SLC9A9: variants seen among roughly 807,000 people sequenced by gnomAD.
SLC9A9 encodes the protein sodium/hydrogen exchanger 9.
Under a neutral mutation model 77.8 loss-of-function variants are expected in SLC9A9, and 62 were observed. The observed-to-expected ratio is 0.80, with a 90% confidence interval of 0.65 to 0.98. SLC9A9 has a LOEUF of 0.98. Ranked by LOEUF, SLC9A9 falls within the 50% of genes least tolerant of loss-of-function variation. The pLI is 0.00. For missense variants in SLC9A9, 775 were observed against 774.9 expected (o/e 1.00, Z 0.00); for synonymous variants, 320 against 283.5 (o/e 1.13, Z -1.29).
At chr3:143,511,443 A>G (rs938276670) in intron 9 of SLC9A9, among the ~76,000 whole-genome samples, 2 of 152,166 alleles carry the variant, frequency 1.3e-5, no homozygotes, top group East Asian at 1.9e-4. Flanking sequence ...GCTATTTGCT[A>G]TCTCGTCAGC....
intron 11 of SLC9A9, among the ~76,000 whole-genome samples, chr3:143,493,104 G>GC (rs2035777148): frequency 1.3e-5 from 2 of 152,146 alleles, no homozygotes; most frequent in Admixed American, 1.3e-4. Context: ...ATCAATCAGT[G>GC]CCCAGAACTC....
At chr3:143,326,502 C>T (rs1256290443) in intron 14 of SLC9A9, among the ~76,000 whole-genome samples, 1 of 152,122 alleles carries the variant, frequency 6.6e-6, no homozygotes, top group East Asian at 1.9e-4. Flanking sequence ...TCTGTTTCTT[C>T]AATGCACTCA....
At chr3:143,844,679 G>T (rs781414653) in intron 1 of SLC9A9, among the ~76,000 whole-genome samples, 2 of 151,846 alleles carry the variant, frequency 1.3e-5, no homozygotes, top group African/African-American at 4.8e-5. Context: ...ACTTCCTTAA[G>T]AACAAGAAAT....
intron 4 of SLC9A9, among the ~76,000 whole-genome samples, chr3:143,761,269 G>A (rs992761893): frequency 6.6e-6 from 1 of 152,116 alleles, no homozygotes; most frequent in Non-Finnish European, 1.5e-5. Flanking sequence ...TACCATTCAG[G>A]ACACAGGCAG....
At chr3:143,331,044 C>A (rs1225209013) in intron 14 of SLC9A9, among the ~76,000 whole-genome samples, 6 of 152,142 alleles carry the variant, frequency 3.9e-5, no homozygotes, top group African/African-American at 1.4e-4. Context: ...CAGAATCTTA[C>A]CTTTAGTTAA....
intron 5 of SLC9A9, among the ~76,000 whole-genome samples, chr3:143,669,736 C>G (rs2039129503): frequency 6.6e-6 from 1 of 152,206 alleles, no homozygotes; most frequent in South Asian, 2.1e-4. Flanking sequence ...AGCTGTTATG[C>G]AAATGAACTT....
At position 143,265,970 on chromosome 3, in the gene SLC9A9, GGTATGGGGAGAAGAAAC is replaced by G. The variant is rs1937700017; in HGVS notation, c.*715_*731del. ...AAGGCTTGTTCTTCAGGCACAACGTGGTATGGGGAGAAGAAACCTGGTTTTCTTGGAATGGTCCTACT... is the reference window on the plus strand; with the variant it reads ...AAGGCTTGTTCTTCAGGCACAACGTGCTGGTTTTCTTGGAATGGTCCTACT... On this transcript the variant is annotated 3_prime_UTR_variant, in exon 16 of 16. Transcript: ENST00000316549. 1 of 684,290 alleles carries G rather than the reference GGTATGGGGAGAAGAAAC, an allele frequency of 1.5e-6. No homozygotes were observed. Among genetic ancestry groups the G allele is most frequent in the Non-Finnish European group, 2.7e-6 (1 of 376,254 alleles). The allele number at this position is 684,290 out of a possible 1,614,324, so 42.4% of individuals were successfully genotyped here.
intron 12 of SLC9A9, among the ~76,000 whole-genome samples, chr3:143,429,266 T>C (rs140659160): frequency 7.2e-5 from 11 of 152,340 alleles, no homozygotes; most frequent in African/African-American, 1.7e-4. Context: ...TTATTGTTAG[T>C]ATAAATGGGA....
chr3:143,317,748 GAC>G (rs2031267394), intron 14 of SLC9A9, among the ~76,000 whole-genome samples: 1 of 151,690 alleles, frequency 6.6e-6, no homozygotes, highest in Non-Finnish European at 1.5e-5. Flanking sequence ...TTTCTTTTGA[GAC>G]AGAGTCTCGC....
chr3:143,439,607 G>A (rs1032194953), intron 12 of SLC9A9, among the ~76,000 whole-genome samples: 1 of 152,208 alleles, frequency 6.6e-6, no homozygotes, highest in Non-Finnish European at 1.5e-5. Flanking sequence ...CACCTGGCTT[G>A]AGAGGTCACA....
In SLC9A9 at chr3:143,268,893, G is replaced by T. The variant is rs1937814117; in HGVS notation, c.1692C>A (p.Thr564=). The change falls in exon 15 of 16, where the codon ACC becomes ACA. Residue 564 remains threonine, a synonymous_variant. Transcript: ENST00000316549. ...EWCGPISRLL[T]SPQAYGEQLK... is the part of the protein sequence containing the mutation. ...TACTTACCCCATAGGCTTGAGGACT[G>T]GTAAGCAGCCTGGAAATCGGACCAC... is the stretch of plus-strand genomic sequence containing the variant. The T allele has an allele frequency of 1.9e-6, 3 of 1,613,588 alleles. No homozygotes were observed. The highest frequency in any genetic ancestry group is 1.3e-5 in the African/African-American group (1 of 74,862).
At chr3:143,648,310 C>T in intron 6 of SLC9A9, among the ~76,000 whole-genome samples, 1 of 152,120 alleles carries the variant, frequency 6.6e-6, no homozygotes, top group East Asian at 1.9e-4. Context: ...GATTTTTCCA[C>T]GGATTGGGGG....
intron 2 of SLC9A9, among the ~76,000 whole-genome samples, chr3:143,797,647 G>T (rs939268217): frequency 1.3e-5 from 2 of 152,038 alleles, no homozygotes; most frequent in African/African-American, 2.4e-5. Context: ...AGTGAAAATG[G>T]CCTGTTCCTG....
chr3:143,323,629 GAGAT>G (rs1347592288), intron 14 of SLC9A9, among the ~76,000 whole-genome samples: 1 of 152,156 alleles, frequency 6.6e-6, no homozygotes, highest in Non-Finnish European at 1.5e-5. Context: ...AAGATACAGT[GAGAT>G]AGAAGGAATA....
At chr3:143,768,377 T>C (rs879352914) in intron 4 of SLC9A9, among the ~76,000 whole-genome samples, 2 of 152,348 alleles carry the variant, frequency 1.3e-5, no homozygotes, top group Non-Finnish European at 2.9e-5. Flanking sequence ...CTGTATTTTA[T>C]GCCCAAGTTA....
At position 143,745,076 on chromosome 3, in the gene SLC9A9, A is replaced by T. The variant is rs142481127; in HGVS notation, c.533+49925T>A. 5.3e-5 allele frequency among the ~76,000 whole-genome samples: 8 copies of T among 152,344 alleles called. No individual in the cohort carries two copies. In the East Asian group the frequency reaches 1.5e-3, roughly 29 times the overall value. On this transcript the variant is annotated intron_variant, in intron 4 of 15. Coordinates refer to ENST00000316549, the MANE Select transcript of SLC9A9 (RefSeq NM_173653.4). ...CCAGAAGCTTTTTAAAAAGAGCTTG[A>T]CCTTTACACAAAGGAGCTTTTTCAA...
At chr3:143,684,582 A>G (rs1009288494) in intron 5 of SLC9A9, among the ~76,000 whole-genome samples, 1 of 152,088 alleles carries the variant, frequency 6.6e-6, no homozygotes, top group African/African-American at 2.4e-5. Flanking sequence ...AAGAGAAAAC[A>G]GTAATGGGTG....
At chr3:143,727,392 C>A (rs903901960) in intron 4 of SLC9A9, among the ~76,000 whole-genome samples, 1 of 151,856 alleles carries the variant, frequency 6.6e-6, no homozygotes. Flanking sequence ...AAGAATACTA[C>A]TTGGAGCATC....
intron 4 of SLC9A9, among the ~76,000 whole-genome samples, chr3:143,774,651 C>T (rs954656495): frequency 9.2e-5 from 14 of 152,088 alleles, no homozygotes; most frequent in African/African-American, 3.4e-4. Flanking sequence ...TATACTATAA[C>T]TTATAACAAG....
Sources: gnomAD v4.1 joint callset for allele counts (sites outside exome capture counted in the v4.1 genomes callset) on GRCh38, gnomAD v4.1.1 for gene constraint, MANE v1.5 for transcripts, NCBI Gene and HGNC (gene_info 2026-07-23, HGNC 2026-07-21) for gene names.